The following GRM7 variants were observed in gnomAD, a reference collection of about 807,000 sequenced individuals.
GRM7 encodes metabotropic glutamate receptor 7.
A neutral mutation model predicts 84.5 loss-of-function variants in GRM7; 35 were observed. That is an observed-to-expected ratio of 0.41 (90% CI 0.32 to 0.55). The LOEUF (loss-of-function observed/expected upper bound fraction) is 0.55, where lower values mean the gene tolerates loss of function less well. GRM7 is among the 20% of genes least tolerant of loss of function. The pLI, the probability that GRM7 is intolerant of heterozygous loss-of-function variation, is 0.19. For missense variants in GRM7, 1,003 were observed against 1,194.6 expected, an observed-to-expected ratio of 0.84 and a Z score of 2.36; for synonymous variants, 487 against 455.1, an observed-to-expected ratio of 1.07 and a Z score of -0.89.
In GRM7 at chr3:7,189,067, A is replaced by C. The variant is rs75944394; in HGVS notation, c.736+42399A>C. On this transcript the variant is annotated intron_variant, in intron 2 of 9. Coordinates refer to ENST00000357716, the MANE Select transcript of GRM7 (RefSeq NM_000844.4). ...CGCAAGCCATTGCTGCCAGAGTGAG[A>C]GGTAGTTGTGGCAATTAACTCAGCC... Among the ~76,000 whole-genome samples the C allele has an allele frequency of 8.2e-3, 1,248 of 152,202 alleles. 18 individuals are homozygous for C. The highest frequency in any genetic ancestry group is 0.026 in the African/African-American group (1,097 of 41,530).
At chr3:7,276,523 T>C (rs1699063551) in intron 2 of GRM7, among the ~76,000 whole-genome samples, 1 of 152,052 alleles carries the variant, frequency 6.6e-6, no homozygotes, top group Admixed American at 6.6e-5. Context: ...TAGGATTTAG[T>C]ACTATAGCAT....
At chr3:7,510,705 C>T (rs143094784) in intron 7 of GRM7, among the ~76,000 whole-genome samples, 5 of 152,178 alleles carry the variant, frequency 3.3e-5, no homozygotes, top group Admixed American at 3.3e-4. Context: ...GTGCAGCCCA[C>T]ATGCTAAGAA....
intron 1 of GRM7, among the ~76,000 whole-genome samples, chr3:6,878,389 G>A (rs1484008603): frequency 1.3e-5 from 2 of 151,026 alleles, no homozygotes; most frequent in African/African-American, 4.9e-5. Flanking sequence ...GTGTGTGTGT[G>A]TGTGTGTGTG....
chr3:7,265,408 A>G lies in GRM7; in HGVS notation c.737-33276A>G, dbSNP rs1040556597. Among the ~76,000 whole-genome samples, 17 of 152,338 alleles carry G rather than the reference A, an allele frequency of 1.1e-4. 5 individuals are homozygous for G. The highest frequency in any genetic ancestry group is 2.0e-4 in the Admixed American group (3 of 15,312). The stretch of plus-strand genomic sequence containing the variant: ...ATTCTCTAAGTTGGATAATATTATT[A>G]TCCACATCTTGCCCCTGAGTGGCAG... On this transcript the variant is annotated intron_variant, in intron 2 of 9. Transcript: ENST00000357716.
intron 2 of GRM7, among the ~76,000 whole-genome samples, chr3:7,195,085 T>C (rs1300151901): frequency 1.3e-5 from 2 of 152,178 alleles, no homozygotes; most frequent in Non-Finnish European, 2.9e-5. Flanking sequence ...CGGTCCCTAA[T>C]ACCTGGCCTA....
intron 1 of GRM7, among the ~76,000 whole-genome samples, chr3:7,125,306 C>T (rs1006081794): frequency 6.6e-6 from 1 of 152,134 alleles, no homozygotes; most frequent in Non-Finnish European, 1.5e-5. Context: ...GCAGGAGGAT[C>T]ACCTAAGCCT....
At chr3:7,152,435 G>C (rs920317186) in intron 2 of GRM7, among the ~76,000 whole-genome samples, 4 of 152,110 alleles carry the variant, frequency 2.6e-5, no homozygotes, top group South Asian at 2.1e-4. Context: ...GATGTTTAGC[G>C]TGAAACATAA....
At chr3:6,986,396 A>T (rs1472645216) in intron 1 of GRM7, among the ~76,000 whole-genome samples, 1 of 144,544 alleles carries the variant, frequency 6.9e-6, no homozygotes, top group Non-Finnish European at 1.5e-5. Flanking sequence ...CAATAAAATG[A>T]AAATGAAAAA....
chr3:6,877,844 CACACACACAT>C (rs1355443632), intron 1 of GRM7, among the ~76,000 whole-genome samples: 1,683 of 138,460 alleles, frequency 0.012, 32 homozygotes, highest in African/African-American at 0.043. Context: ...CACACACACA[CACACACACAT>C]ATGACTTCTG....
At chr3:6,971,276 A>C (rs889990934) in intron 1 of GRM7, among the ~76,000 whole-genome samples, 1 of 152,246 alleles carries the variant, frequency 6.6e-6, no homozygotes, top group East Asian at 1.9e-4. Context: ...CCTACCAATA[A>C]AAGTCAACAA....
chr3:7,161,129 G>T (rs1694609896), intron 2 of GRM7, among the ~76,000 whole-genome samples: 1 of 151,858 alleles, frequency 6.6e-6, no homozygotes, highest in Non-Finnish European at 1.5e-5. Flanking sequence ...CCTTAGGCTG[G>T]TAACTCCTAT....
chr3:7,118,507 T>TA (rs1693115910), intron 1 of GRM7, among the ~76,000 whole-genome samples: 1 of 149,030 alleles, frequency 6.7e-6, no homozygotes. Flanking sequence ...AACTTTCCTC[T>TA]AAAAAAAAGT....
chr3:7,421,658 T>C lies in GRM7; in HGVS notation c.1174+6495T>C, dbSNP rs554616824. Among the ~76,000 whole-genome samples, 18 of 151,962 alleles carry C rather than the reference T, an allele frequency of 1.2e-4. No homozygotes were observed. The East Asian group carries it at 3.1e-3, about 26-fold the overall frequency. ...GAATGCACCTTGTCCATTCCTGCCCTTAGTAGTGAAGATGTGAAGGCTACT... is the reference window on the plus strand; with the variant it reads ...GAATGCACCTTGTCCATTCCTGCCCCTAGTAGTGAAGATGTGAAGGCTACT... On this transcript the variant is annotated intron_variant, in intron 5 of 9. Transcript: ENST00000357716.
At chr3:7,150,818 T>C (rs963842292) in intron 2 of GRM7, among the ~76,000 whole-genome samples, 3 of 152,210 alleles carry the variant, frequency 2.0e-5, no homozygotes, top group Non-Finnish European at 4.4e-5. Context: ...ATGTTTATGA[T>C]AGCATGTGGC....
intron 9 of GRM7, among the ~76,000 whole-genome samples, chr3:7,712,758 A>T (rs1165664300): frequency 6.6e-6 from 1 of 152,186 alleles, no homozygotes; most frequent in African/African-American, 2.4e-5. Flanking sequence ...TACCTAAAGA[A>T]AGTATAATGA....
At chr3:7,589,150 G>C (rs1695657237) in intron 8 of GRM7, among the ~76,000 whole-genome samples, 2 of 152,234 alleles carry the variant, frequency 1.3e-5, no homozygotes. Context: ...GAAGGCTGCT[G>C]CCTGGTGTTA....
chr3:7,410,332 A>G (rs187157562), intron 4 of GRM7, among the ~76,000 whole-genome samples: 205 of 152,258 alleles, frequency 1.3e-3, no homozygotes, highest in Middle Eastern at 6.8e-3. Flanking sequence ...ACACTTTGGG[A>G]GGCCGAAGCA....
At chr3:6,998,828 C>A (rs936033861) in intron 1 of GRM7, among the ~76,000 whole-genome samples, 13 of 152,194 alleles carry the variant, frequency 8.5e-5, no homozygotes, top group African/African-American at 3.1e-4. Context: ...GGCACCATGA[C>A]CCTAGGCTGC....
intron 7 of GRM7, among the ~76,000 whole-genome samples, chr3:7,479,647 G>A (rs575257477): frequency 1.4e-4 from 21 of 152,266 alleles, no homozygotes; most frequent in Non-Finnish European, 2.6e-4. Flanking sequence ...CTGTCTCACA[G>A]CTTACTTATT....
Sources: allele counts gnomAD v4.1 joint callset (sites outside exome capture counted in the v4.1 genomes callset), GRCh38; gene constraint gnomAD v4.1.1; transcripts MANE v1.5; gene names NCBI Gene and HGNC (gene_info 2026-07-23, HGNC 2026-07-21).